The following ZEB2 variants were observed in gnomAD, a reference collection of about 807,000 sequenced individuals.
ZEB2 encodes the protein zinc finger E-box binding homeobox 2.
Under a neutral mutation model 99.9 loss-of-function variants are expected in ZEB2, and 6 were observed. The observed-to-expected ratio is 0.06, with a 90% CI of 0.03 to 0.12. The LOEUF (loss-of-function observed/expected upper bound fraction) is 0.12, where lower values mean the gene tolerates loss of function less well. Ranked by LOEUF, ZEB2 falls within the 10% of genes least tolerant of loss-of-function variation. The pLI is 1.00. For missense variants in ZEB2, 969 were observed against 1,502.8 expected, an observed-to-expected ratio of 0.64 and a Z score of 5.87; for synonymous variants, 517 against 542.5, an observed-to-expected ratio of 0.95 and a Z score of 0.65.
chr2:144,509,455 C>A (rs1221477784), intron 2 of ZEB2, among the ~76,000 whole-genome samples: 2 of 152,154 alleles, frequency 1.3e-5, no homozygotes, highest in Non-Finnish European at 2.9e-5. Context: ...AATCAGGAAT[C>A]TGTGTCACAT....
At chr2:144,460,093 A>C (rs1042300397) in intron 2 of ZEB2, among the ~76,000 whole-genome samples, 2 of 152,130 alleles carry the variant, frequency 1.3e-5, no homozygotes, top group Admixed American at 1.3e-4. Context: ...CAAGGTTGCT[A>C]TGTTATGATG....
Position 144,399,246 on chromosome 2 carries a change from G to A in ZEB2, c.1941C>T (p.Ser647=). 1 of 1,614,158 alleles carries A rather than the reference G, an allele frequency of 6.2e-7. No homozygotes were observed. Among genetic ancestry groups the A allele is most frequent in the Non-Finnish European group, 8.5e-7 (1 of 1,180,020 alleles). The change falls in exon 8 of 10, where the codon AGC becomes AGT. Residue 647 remains serine (S), a synonymous_variant. Coordinates refer to ENST00000627532, the MANE Select transcript of ZEB2 (RefSeq NM_014795.4). The surrounding 1 kb of genome is among the most constrained non-coding windows in gnomAD (Gnocchi z 5.6). ...SSVLSEKGMT[S]PINPYKDHMS... ...TGTGGTCCTTGTATGGGTTGATGGG[G>A]CTTGTCATTCCTTTCTCAGAAAGTA...
intron 2 of ZEB2, among the ~76,000 whole-genome samples, chr2:144,468,590 G>C (rs929255320): frequency 6.6e-6 from 1 of 152,094 alleles, no homozygotes; most frequent in African/African-American, 2.4e-5. Flanking sequence ...GGGGTGGACA[G>C]TCGAATTCCA....
intron 9 of ZEB2, among the ~76,000 whole-genome samples, chr2:144,391,016 G>A (rs943278896): frequency 6.6e-6 from 1 of 152,214 alleles, no homozygotes; most frequent in African/African-American, 2.4e-5. Flanking sequence ...CATATATGAA[G>A]TTGTATGCTT....
chr2:144,475,335 T>C (rs1573782561), intron 2 of ZEB2, among the ~76,000 whole-genome samples: 2 of 152,192 alleles, frequency 1.3e-5, no homozygotes, highest in African/African-American at 2.4e-5. Context: ...AGCTCACATG[T>C]AACTGCCACC....
chr2:144,510,470 G>A (rs1011268098), intron 2 of ZEB2, among the ~76,000 whole-genome samples: 1 of 152,084 alleles, frequency 6.6e-6, no homozygotes, highest in Non-Finnish European at 1.5e-5. Context: ...AAATCTAACA[G>A]GCTTCTGGGG....
At chr2:144,444,523 C>T (rs1703959077) in intron 2 of ZEB2, among the ~76,000 whole-genome samples, 1 of 152,160 alleles carries the variant, frequency 6.6e-6, no homozygotes, top group Non-Finnish European at 1.5e-5. Context: ...GTCAGGGGGA[C>T]CTGGCCTCTC....
intron 2 of ZEB2, among the ~76,000 whole-genome samples, chr2:144,488,055 A>G (rs1186655523): frequency 6.6e-6 from 1 of 152,178 alleles, no homozygotes; most frequent in Non-Finnish European, 1.5e-5. Flanking sequence ...GGATGTATCT[A>G]AAGCCAGGGG....
At chr2:144,491,469 T>C (rs1704681104) in intron 2 of ZEB2, among the ~76,000 whole-genome samples, 1 of 152,232 alleles carries the variant, frequency 6.6e-6, no homozygotes, top group South Asian at 2.1e-4. Flanking sequence ...ATATCTTTTC[T>C]GCTTTAGGAA....
intron 2 of ZEB2, among the ~76,000 whole-genome samples, chr2:144,471,766 T>C (rs189665638): frequency 2.3e-4 from 35 of 151,944 alleles, no homozygotes; most frequent in African/African-American, 8.2e-4. Context: ...GTAAATGTGG[T>C]CAACATTCCC....
intron 4 of ZEB2, among the ~76,000 whole-genome samples, chr2:144,418,103 A>G (rs1374800878): frequency 6.6e-6 from 1 of 152,222 alleles, no homozygotes; most frequent in African/African-American, 2.4e-5. Context: ...TACACAGTTA[A>G]AGAAGGGATG....
chr2:144,469,733 A>G (rs531309258), intron 2 of ZEB2, among the ~76,000 whole-genome samples: 5 of 152,300 alleles, frequency 3.3e-5, no homozygotes, highest in African/African-American at 1.2e-4. Flanking sequence ...ATGATCATTA[A>G]TTTGCTCTTT....
chr2:144,493,015 T>C (rs1287078539), intron 2 of ZEB2, among the ~76,000 whole-genome samples: 1 of 152,248 alleles, frequency 6.6e-6, no homozygotes, highest in African/African-American at 2.4e-5. Context: ...AAAAGTCATC[T>C]CAGAATGTAT....
At chr2:144,428,965 T>A (rs1703729594) in intron 3 of ZEB2, 1 of 152,224 alleles carries the variant, frequency 6.6e-6, no homozygotes, top group African/African-American at 2.4e-5. Flanking sequence ...TCCAGGCCAC[T>A]TTACCATGTA....
intron 3 of ZEB2, among the ~76,000 whole-genome samples, chr2:144,425,207 T>G (rs1479924156): frequency 1.3e-5 from 2 of 152,226 alleles, no homozygotes; most frequent in Non-Finnish European, 2.9e-5. Context: ...TTTGCACTCA[T>G]GAAGAGGCAT....
At chr2:144,492,636 C>T (rs1252676189) in intron 2 of ZEB2, among the ~76,000 whole-genome samples, 2 of 152,178 alleles carry the variant, frequency 1.3e-5, no homozygotes, top group African/African-American at 4.8e-5. Context: ...GCCTCCCTGA[C>T]TCCCAAGTCT....
intron 5 of ZEB2, among the ~76,000 whole-genome samples, chr2:144,404,561 A>G (rs1703358422): frequency 6.6e-6 from 1 of 152,146 alleles, no homozygotes; most frequent in East Asian, 1.9e-4. Context: ...AAAGTAAAAT[A>G]TTTCAGAAAG....
chr2:144,465,083 G>A (rs1051010218), intron 2 of ZEB2, among the ~76,000 whole-genome samples: 2 of 152,168 alleles, frequency 1.3e-5, no homozygotes, highest in Non-Finnish European at 2.9e-5. Context: ...GCAATGGAAA[G>A]AGTAGCTCGT....
chr2:144,399,529 T>C lies in ZEB2; in HGVS notation c.1658A>G (p.Asn553Ser), dbSNP rs1703279190. ...AGTACGTAGCTTCTCTTTCTTTATA[T>C]TACTGATCTGTCTCCTTGAGTCAGT... Reference protein sequence around the residue: ...LTTDSRRQISNIKKEKLRTLI... With the variant: ...LTTDSRRQISSIKKEKLRTLI... Residue 553 changes from asparagine (N) to serine (S), a missense_variant, in exon 8 of 10, where the codon AAT becomes AGT. Coordinates refer to ENST00000627532, the MANE Select transcript of ZEB2 (RefSeq NM_014795.4). This position sits in a 1 kb window ranked among gnomAD's most constrained non-coding sequence, Gnocchi z 5.6. The C allele has an allele frequency of 3.1e-6, 5 of 1,614,114 alleles. No individual in the cohort carries two copies. Among genetic ancestry groups the C allele is most frequent in the Non-Finnish European group, 4.2e-6 (5 of 1,180,036 alleles).
Sources: allele counts gnomAD v4.1 joint callset (sites outside exome capture counted in the v4.1 genomes callset), GRCh38; gene constraint gnomAD v4.1.1; non-coding constraint Gnocchi (gnomAD v3.1); transcripts MANE v1.5; gene names NCBI Gene and HGNC (gene_info 2026-07-23, HGNC 2026-07-21).